The following TIAM2 variants were observed in gnomAD, a reference collection of about 807,000 sequenced individuals.
TIAM2 encodes the protein TIAM Rac1 associated GEF 2, also known as rho guanine nucleotide exchange factor TIAM2.
A neutral mutation model predicts 152.9 loss-of-function variants in TIAM2; 80 were observed. The observed-to-expected ratio is 0.52, with a 90% CI of 0.44 to 0.63. TIAM2 has a LOEUF of 0.63. TIAM2 is among the 30% of genes least tolerant of loss of function. TIAM2 has a pLI of 0.00. For synonymous variants in TIAM2, 804 were observed against 838.0 expected (o/e 0.96, Z 0.70); for missense variants, 1,965 against 2,120.1 (o/e 0.93, Z 1.44).
chr6:155,117,489 C>A (rs964575644), intron 2 of TIAM2, among the ~76,000 whole-genome samples: 1 of 152,214 alleles, frequency 6.6e-6, no homozygotes, highest in Non-Finnish European at 1.5e-5. Context: ...GTCGCCCAGG[C>A]TGGAATGCAG....
intron 2 of TIAM2, among the ~76,000 whole-genome samples, chr6:155,112,403 G>A (rs1220730139): frequency 6.6e-6 from 1 of 152,066 alleles, no homozygotes. Context: ...GGGATTACAG[G>A]TGTGAGCCAC....
chr6:155,211,218 C>T lies in TIAM2; in HGVS notation c.3079C>T (p.Pro1027Ser). Residue 1027 changes from proline (P) to serine (S), a missense_variant, in exon 15 of 27, where the codon CCT (proline) becomes TCT (serine). Physicochemically the swap from Pro to Ser is moderately conservative, Grantham distance 74 (BLOSUM62 -1). Transcript: ENST00000682666. ...KNTANDFSNV[P>S]DITTGLKRSQ... is the part of the protein sequence containing the mutation. Reference sequence around the variant, plus strand: ...TTTTTATGCAGATTTCAGCAACGTCCCTGATATCACAACAGGTCTGAAAAG... The same window carrying T: ...TTTTTATGCAGATTTCAGCAACGTCTCTGATATCACAACAGGTCTGAAAAG... 5 of 1,613,182 alleles carry T rather than the reference C, an allele frequency of 3.1e-6. No homozygotes were observed. Among genetic ancestry groups the T allele is most frequent in the Non-Finnish European group, 4.2e-6 (5 of 1,179,370 alleles).
At chr6:155,199,924 G>A (rs1330557410) in intron 14 of TIAM2, among the ~76,000 whole-genome samples, 1 of 152,190 alleles carries the variant, frequency 6.6e-6, no homozygotes, top group Non-Finnish European at 1.5e-5. Context: ...TCACAGCTGG[G>A]TAAATCAAGG....
At chr6:155,082,463 C>G (rs1179770503) in intron 1 of TIAM2, among the ~76,000 whole-genome samples, 2 of 151,866 alleles carry the variant, frequency 1.3e-5, no homozygotes, top group African/African-American at 4.8e-5. Context: ...CCAGCTGGAC[C>G]AACATGGAGA....
chr6:154,999,765 C>T (rs985952078), intron 1 of TIAM2, among the ~76,000 whole-genome samples: 1 of 151,222 alleles, frequency 6.6e-6, no homozygotes. Context: ...TTCTGCCTCC[C>T]GGGTCCTGGT....
At chr6:155,140,558 G>GTGTA (rs1260231404) in intron 5 of TIAM2, among the ~76,000 whole-genome samples, 3 of 107,056 alleles carry the variant, frequency 2.8e-5, no homozygotes, top group African/African-American at 1.2e-4. Flanking sequence ...GTGTGTGTAT[G>GTGTA]TGTGTGTGTG....
intron 6 of TIAM2, among the ~76,000 whole-genome samples, chr6:155,145,332 G>C (rs867803683): frequency 6.6e-6 from 1 of 152,060 alleles, no homozygotes; most frequent in South Asian, 2.1e-4. Flanking sequence ...AGAACATGGC[G>C]GTACTGAGCC....
At chr6:155,225,961 C>T (rs1371917167) in intron 15 of TIAM2, among the ~76,000 whole-genome samples, 1 of 152,158 alleles carries the variant, frequency 6.6e-6, no homozygotes, top group Admixed American at 6.5e-5. Flanking sequence ...GGCAGTACCC[C>T]TGCTTAATTA....
intron 15 of TIAM2, among the ~76,000 whole-genome samples, chr6:155,225,995 A>T (rs1782226579): frequency 6.6e-6 from 1 of 152,172 alleles, no homozygotes; most frequent in African/African-American, 2.4e-5. Flanking sequence ...ATTAACATGT[A>T]ATTGATGTTT....
chr6:155,249,735 C>A, intron 20 of TIAM2, 116 bp from the exon 21 acceptor site: 1 of 745,114 alleles, frequency 1.3e-6, no homozygotes, highest in Non-Finnish European at 2.1e-6. Context: ...AATGCTCCTG[C>A]TAGTGGGTAC....
Position 155,029,471 on chromosome 6 carries a change from C to G in TIAM2, c.-209+33979C>G, listed in dbSNP as rs372153255. On this transcript the variant is annotated intron_variant, in intron 1 of 26. Transcript: ENST00000682666. ...TAGTATATATTATATATAATATATA[C>G]TATAGTATATATACTATAGTATATA... Among the ~76,000 whole-genome samples, 68 of 12,580 alleles carry G rather than the reference C, an allele frequency of 5.4e-3. 12 individuals carry two copies. The highest frequency in any genetic ancestry group is 0.027 in the South Asian group (8 of 300). The allele number at this position is 12,580 out of a possible 152,430, so 8.3% of individuals were successfully genotyped here. A position where few individuals can be genotyped will look rare whatever the true frequency, so the allele number is the denominator to read the frequency against.
chr6:155,032,802 A>G (rs1776850351), intron 1 of TIAM2, among the ~76,000 whole-genome samples: 1 of 152,074 alleles, frequency 6.6e-6, no homozygotes, highest in Admixed American at 6.6e-5. Flanking sequence ...CGGCCTCCCA[A>G]AGTGCTGGGA....
At chr6:155,207,467 T>C (rs969117630) in intron 14 of TIAM2, among the ~76,000 whole-genome samples, 3 of 152,204 alleles carry the variant, frequency 2.0e-5, no homozygotes, top group African/African-American at 7.2e-5. Flanking sequence ...TATGCACAGA[T>C]GCATTCCACC....
rs774713616 is a variant in TIAM2, at chr6:155,129,459, G to A, written c.236G>A (p.Gly79Asp). Residue 79 changes from glycine (G) to aspartate (D), a missense_variant, in exon 4 of 27, where the codon GGT becomes GAT. Coordinates refer to ENST00000682666, the MANE Select transcript of TIAM2 (RefSeq NM_012454.4). The surrounding 1 kb of genome is among the most constrained non-coding windows in gnomAD (Gnocchi z 4.8). ...KSNQPYASRL[G>D]GPTCKVSRGV... Reference sequence around the variant, plus strand: ...AACCAGCCTTACGCATCGAGACTCGGTGGCCCCACATGCAAGGTCTCCAGA... The same window carrying A: ...AACCAGCCTTACGCATCGAGACTCGATGGCCCCACATGCAAGGTCTCCAGA... The A allele has an allele frequency of 1.2e-6, 2 of 1,614,140 alleles. No homozygotes were observed. The highest frequency in any genetic ancestry group is 1.7e-6 in the Non-Finnish European group (2 of 1,180,028).
chr6:155,019,777 G>A (rs1384186785), intron 1 of TIAM2, among the ~76,000 whole-genome samples: 2 of 152,170 alleles, frequency 1.3e-5, no homozygotes, highest in Non-Finnish European at 2.9e-5. Context: ...GCTAGGGGCC[G>A]GGCATGGTGG....
intron 2 of TIAM2, among the ~76,000 whole-genome samples, chr6:155,099,220 A>ATG (rs34269926): frequency 9.5e-4 from 141 of 148,282 alleles, no homozygotes; most frequent in African/African-American, 1.3e-3. Context: ...GTATATATAT[A>ATG]TGTGTGTGTG....
chr6:155,001,915 T>G (rs1778318187), intron 1 of TIAM2, among the ~76,000 whole-genome samples: 1 of 152,218 alleles, frequency 6.6e-6, no homozygotes, highest in Non-Finnish European at 1.5e-5. Flanking sequence ...CTTATGCTGG[T>G]GAAAGTGAAG....
At chr6:155,071,707 C>T (rs926629747) in intron 1 of TIAM2, among the ~76,000 whole-genome samples, 3 of 152,014 alleles carry the variant, frequency 2.0e-5, no homozygotes, top group Admixed American at 6.6e-5. Flanking sequence ...CTAGCCTGGC[C>T]AACATGGTGA....
At chr6:155,087,558 G>T (rs1475831147) in intron 1 of TIAM2, among the ~76,000 whole-genome samples, 3 of 152,096 alleles carry the variant, frequency 2.0e-5, no homozygotes, top group Admixed American at 2.0e-4. Context: ...AGACCAGCCT[G>T]GCCAACATGG....
Sources: allele counts gnomAD v4.1 joint callset (sites outside exome capture counted in the v4.1 genomes callset), GRCh38; gene constraint gnomAD v4.1.1; non-coding constraint Gnocchi (gnomAD v3.1); transcripts MANE v1.5; gene names NCBI Gene and HGNC (gene_info 2026-07-23, HGNC 2026-07-21).